CDH13: variants seen among roughly 807,000 people sequenced by gnomAD.
The protein encoded by CDH13 is cadherin 13, also known as cadherin-13.
Under a neutral mutation model 63.8 loss-of-function variants are expected in CDH13, and 24 were observed. The ratio of observed to expected loss-of-function variants is 0.38; its 90% CI spans 0.27 to 0.53. CDH13 has a LOEUF of 0.53. Ranked by LOEUF, CDH13 falls within the 20% of genes least tolerant of loss-of-function variation. CDH13 has a pLI of 0.85. For missense variants in CDH13, 1,049 were observed against 903.1 expected (o/e 1.16, Z -2.07); for synonymous variants, 503 against 355.3 (o/e 1.42, Z -4.67).
chr16:82,931,183 C>G (rs970636060), intron 2 of CDH13, among the ~76,000 whole-genome samples: 1 of 152,210 alleles, frequency 6.6e-6, no homozygotes, highest in Non-Finnish European at 1.5e-5. Context: ...TTTGATTTCC[C>G]TCTCTCGTGT....
intron 3 of CDH13, among the ~76,000 whole-genome samples, chr16:83,100,444 T>A (rs1053602305): frequency 6.6e-6 from 1 of 152,102 alleles, no homozygotes; most frequent in African/African-American, 2.4e-5. Flanking sequence ...GGTGGTGAAT[T>A]TTTTCATTTC....
At chr16:83,496,395 A>C (rs2074145221) in intron 7 of CDH13, among the ~76,000 whole-genome samples, 1 of 150,890 alleles carries the variant, frequency 6.6e-6, no homozygotes, top group Non-Finnish European at 1.5e-5. Flanking sequence ...ACCTGAGAAA[A>C]ACAAGCAATG....
At chr16:83,552,784 C>T (rs1241666180) in intron 7 of CDH13, among the ~76,000 whole-genome samples, 1 of 152,110 alleles carries the variant, frequency 6.6e-6, no homozygotes, top group Non-Finnish European at 1.5e-5. Context: ...TTCAGTCTTT[C>T]AAAGACGTGG....
chr16:83,649,606 G>T lies in CDH13; in HGVS notation c.1102-21184G>T, dbSNP rs1381308534. ...ACTGAGGAGTACATAGCCGGTGGGA[G>T]CCAGGGACTGGAGTTCACTTTGAGC... On this transcript the variant is annotated intron_variant, in intron 8 of 13. Coordinates refer to ENST00000567109, the MANE Select transcript of CDH13 (RefSeq NM_001257.5). 2.6e-5 allele frequency among the ~76,000 whole-genome samples: 4 copies of T among 152,148 alleles called. No homozygotes were observed. The East Asian group carries it at 7.7e-4, about 29-fold the overall frequency.
intron 8 of CDH13, among the ~76,000 whole-genome samples, chr16:83,604,001 C>A (rs1489940438): frequency 6.6e-6 from 1 of 152,076 alleles, no homozygotes; most frequent in Non-Finnish European, 1.5e-5. Context: ...TGAGACAGCA[C>A]TAGGGGGGTG....
rs141741041 is a variant in CDH13, at chr16:83,198,403, C to T, written c.484-18942C>T. On this transcript the variant is annotated intron_variant, in intron 4 of 13. Transcript: ENST00000567109. The stretch of plus-strand genomic sequence containing the variant: ...ATGTGGGGACTAAGCATCCAAAGCT[C>T]GACACCAACAATTTGCAGCTGAAGA... Among the ~76,000 whole-genome samples, 9 of 152,086 alleles carry T rather than the reference C, an allele frequency of 5.9e-5. No individual in the cohort carries two copies. The East Asian group carries it at 1.5e-3, about 26-fold the overall frequency.
intron 2 of CDH13, among the ~76,000 whole-genome samples, chr16:82,944,202 A>G (rs1904441706): frequency 6.6e-6 from 1 of 152,188 alleles, no homozygotes; most frequent in South Asian, 2.1e-4. Flanking sequence ...TGATTAACGG[A>G]CTGTGGAAGG....
rs368747695 is a variant in CDH13, at chr16:83,367,199, C to T, written c.781+22193C>T. ...CCTCCATGGATTTGCCCATTCTGGA[C>T]ATTTCATATAAATGCAGTCATGCAA... On this transcript the variant is annotated intron_variant, in intron 6 of 13. Coordinates refer to ENST00000567109, the MANE Select transcript of CDH13 (RefSeq NM_001257.5). Among the ~76,000 whole-genome samples the T allele has an allele frequency of 2.8e-3, 426 of 152,280 alleles. 3 individuals carry two copies. Among genetic ancestry groups the T allele is most frequent in the African/African-American group, 9.8e-3 (407 of 41,566 alleles).
intron 6 of CDH13, among the ~76,000 whole-genome samples, chr16:83,346,259 C>T (rs1597799492): frequency 6.6e-6 from 1 of 152,218 alleles, no homozygotes; most frequent in South Asian, 2.1e-4. Context: ...GAAGGGAGGT[C>T]AGGTCACTTC....
At chr16:83,182,014 G>A (rs1385072182) in intron 4 of CDH13, among the ~76,000 whole-genome samples, 2 of 152,150 alleles carry the variant, frequency 1.3e-5, no homozygotes, top group Non-Finnish European at 2.9e-5. Context: ...TCTACCTGTG[G>A]CAAAGTGCTA....
intron 1 of CDH13, among the ~76,000 whole-genome samples, chr16:82,642,868 C>G (rs972914323): frequency 2.0e-5 from 3 of 152,138 alleles, no homozygotes; most frequent in Admixed American, 1.3e-4. Flanking sequence ...GGTGGGGAAA[C>G]TTCAGGAGAA....
At chr16:83,076,642 C>A (rs758653962) in intron 3 of CDH13, among the ~76,000 whole-genome samples, 11 of 152,080 alleles carry the variant, frequency 7.2e-5, no homozygotes, top group Non-Finnish European at 1.5e-4. Flanking sequence ...ACATCACACA[C>A]ACACACACAC....
At chr16:83,492,301 T>C in intron 7 of CDH13, among the ~76,000 whole-genome samples, 1 of 152,332 alleles carries the variant, frequency 6.6e-6, no homozygotes, top group African/African-American at 2.4e-5. Context: ...GCCTTTCTGA[T>C]TTAATGCTAA....
chr16:82,663,852 ATG>A (rs1912271719), intron 1 of CDH13, among the ~76,000 whole-genome samples: 2 of 152,100 alleles, frequency 1.3e-5, no homozygotes, highest in African/African-American at 4.8e-5. Context: ...CTTACATACT[ATG>A]TGAATATAGC....
At chr16:83,484,676 G>C (rs570762302) in intron 6 of CDH13, among the ~76,000 whole-genome samples, 117 of 152,268 alleles carry the variant, frequency 7.7e-4, no homozygotes, top group African/African-American at 2.7e-3. Flanking sequence ...TTCTTCTCCA[G>C]ATTTAACCAC....
chr16:83,432,266 G>T (rs117913471), intron 6 of CDH13, among the ~76,000 whole-genome samples: 2 of 152,292 alleles, frequency 1.3e-5, no homozygotes, highest in East Asian at 3.9e-4. Context: ...GGGACACCAT[G>T]GATCCGTTCG....
chr16:83,590,018 G>C (rs1906578046), intron 7 of CDH13, among the ~76,000 whole-genome samples: 1 of 152,158 alleles, frequency 6.6e-6, no homozygotes, highest in Non-Finnish European at 1.5e-5. Context: ...GAGTGAAAAA[G>C]CCTAAGAAGG....
intron 6 of CDH13, among the ~76,000 whole-genome samples, chr16:83,446,500 G>A (rs72806388): frequency 0.021 from 3,207 of 152,176 alleles, 51 homozygotes; most frequent in Non-Finnish European, 0.033. Context: ...ATTCCCAGCC[G>A]CAGAGAAGAA....
chr16:82,978,882 A>C (rs1909882723), intron 2 of CDH13, among the ~76,000 whole-genome samples: 1 of 60,148 alleles, frequency 1.7e-5, no homozygotes, highest in South Asian at 4.3e-4. Flanking sequence ...CTCCACCGAC[A>C]GCTTGCACCA....
Sources: allele counts gnomAD v4.1 joint callset (sites outside exome capture counted in the v4.1 genomes callset), GRCh38; gene constraint gnomAD v4.1.1; transcripts MANE v1.5; gene names NCBI Gene and HGNC (gene_info 2026-07-23, HGNC 2026-07-21).